The following GSG1L variants were observed in gnomAD, a reference collection of about 807,000 sequenced individuals.
GSG1L encodes the protein GSG1 like.
In GSG1L, 24 loss-of-function variants were observed where a neutral mutation model predicts 42.1. The observed-to-expected ratio is 0.57, with a 90% CI of 0.41 to 0.80. The LOEUF (loss-of-function observed/expected upper bound fraction) is 0.80, where lower values mean the gene tolerates loss of function less well. Among genes scored for constraint, GSG1L ranks in the 30% least tolerant of loss-of-function variants. GSG1L has a pLI of 0.00. For missense variants in GSG1L, 445 were observed against 472.2 expected (o/e 0.94, Z 0.53); for synonymous variants, 215 against 203.5 (o/e 1.06, Z -0.48).
chr16:28,057,011 C>T (rs1472415829), intron 1 of GSG1L, among the ~76,000 whole-genome samples: 1 of 151,952 alleles, frequency 6.6e-6, no homozygotes, highest in East Asian at 1.9e-4. Context: ...CAAGGAACAG[C>T]AAGTACAAAA....
At chr16:27,825,873 C>G (rs2083202827) in intron 5 of GSG1L, among the ~76,000 whole-genome samples, 1 of 152,176 alleles carries the variant, frequency 6.6e-6, no homozygotes, top group African/African-American at 2.4e-5. Flanking sequence ...GACGTGTTTG[C>G]TTCCCCTTCT....
intron 1 of GSG1L, among the ~76,000 whole-genome samples, chr16:28,026,219 G>A (rs1216783967): frequency 6.6e-6 from 1 of 152,184 alleles, no homozygotes; most frequent in Non-Finnish European, 1.5e-5. Context: ...GCAAGATCTT[G>A]CAGGTCCAGC....
chr16:27,965,076 T>C (rs2085115085), intron 1 of GSG1L, among the ~76,000 whole-genome samples: 1 of 152,178 alleles, frequency 6.6e-6, no homozygotes, highest in South Asian at 2.1e-4. Flanking sequence ...TGGAGTACAG[T>C]GGTGCAATCT....
At chr16:27,937,546 C>T (rs1431111097) in intron 2 of GSG1L, among the ~76,000 whole-genome samples, 5 of 152,200 alleles carry the variant, frequency 3.3e-5, no homozygotes, top group Non-Finnish European at 7.3e-5. Context: ...CTGGCCCCTT[C>T]TGCCCTCTCG....
intron 3 of GSG1L, among the ~76,000 whole-genome samples, chr16:27,882,679 C>G (rs1470446820): frequency 6.6e-6 from 1 of 152,218 alleles, no homozygotes; most frequent in Non-Finnish European, 1.5e-5. Context: ...ATGTTGCCTT[C>G]CCCATGCCCA....
chr16:27,829,121 G>A (rs969774055), intron 4 of GSG1L, among the ~76,000 whole-genome samples, 165 bp from the exon 5 acceptor site: 1 of 152,188 alleles, frequency 6.6e-6, no homozygotes, highest in Admixed American at 6.5e-5. Context: ...TGCCCCACTC[G>A]CAGTCTGGGA....
At chr16:28,025,897 G>A (rs558659468) in intron 1 of GSG1L, among the ~76,000 whole-genome samples, 19 of 152,330 alleles carry the variant, frequency 1.2e-4, no homozygotes, top group African/African-American at 4.6e-4. Context: ...GCCACAGCAG[G>A]CACAGGCTAG....
intron 1 of GSG1L, among the ~76,000 whole-genome samples, chr16:27,979,929 G>A (rs1358600117): frequency 6.6e-6 from 1 of 152,122 alleles, no homozygotes; most frequent in African/African-American, 2.4e-5. Context: ...ATGGGAGAAA[G>A]TGTGTGAAAA....
intron 6 of GSG1L, among the ~76,000 whole-genome samples, chr16:27,803,790 TATATAGATAGATAG>T (rs1214363516): frequency 3.0e-4 from 33 of 109,942 alleles, no homozygotes; most frequent in African/African-American, 1.0e-3. Context: ...TATATATATA[TATATAGATAGATAG>T]ATATAGATAT....
At chr16:27,922,697 C>T (rs912768791) in intron 2 of GSG1L, among the ~76,000 whole-genome samples, 3 of 152,240 alleles carry the variant, frequency 2.0e-5, no homozygotes, top group African/African-American at 7.2e-5. Flanking sequence ...CAATCCTACA[C>T]AGCAGCCTTC....
At chr16:27,908,242 G>A (rs1216127023) in intron 2 of GSG1L, among the ~76,000 whole-genome samples, 1 of 152,256 alleles carries the variant, frequency 6.6e-6, no homozygotes, top group African/African-American at 2.4e-5. Flanking sequence ...GCTGGCCTAG[G>A]TCAGCCAAAC....
intron 1 of GSG1L, among the ~76,000 whole-genome samples, chr16:28,047,544 T>G (rs1327974499): frequency 6.6e-6 from 1 of 152,188 alleles, no homozygotes; most frequent in Non-Finnish European, 1.5e-5. Context: ...GCTAACTCTA[T>G]GTTCTTACCA....
At chr16:28,048,187 C>G (rs917435321) in intron 1 of GSG1L, among the ~76,000 whole-genome samples, 1 of 152,018 alleles carries the variant, frequency 6.6e-6, no homozygotes, top group Non-Finnish European at 1.5e-5. Flanking sequence ...ATGATGTTGT[C>G]ACTGCACTCC....
intron 1 of GSG1L, among the ~76,000 whole-genome samples, chr16:28,056,854 A>G (rs2086284815): frequency 1.3e-5 from 2 of 152,086 alleles, no homozygotes; most frequent in Non-Finnish European, 2.9e-5. Flanking sequence ...CCTCGATCAG[A>G]GCAGTGGGGA....
chr16:28,062,619 C>T (rs533301788), intron 1 of GSG1L, among the ~76,000 whole-genome samples: 1 of 152,260 alleles, frequency 6.6e-6, no homozygotes, highest in South Asian at 2.1e-4. Context: ...GCAGGAGGGG[C>T]GGCTGGTAGC....
intron 1 of GSG1L, among the ~76,000 whole-genome samples, chr16:27,972,368 A>G (rs1399536571): frequency 6.6e-6 from 1 of 152,224 alleles, no homozygotes; most frequent in Admixed American, 6.5e-5. Flanking sequence ...CAAACACAGA[A>G]GAGATGTTTT....
chr16:27,835,581 TTTTC>T (rs2083313921), intron 4 of GSG1L, among the ~76,000 whole-genome samples: 1 of 151,020 alleles, frequency 6.6e-6, no homozygotes, highest in South Asian at 2.1e-4. Context: ...TTTGTTTCTC[TTTTC>T]TTTTTTCTTG....
At chr16:27,982,025 C>G (rs1288310937) in intron 1 of GSG1L, among the ~76,000 whole-genome samples, 2 of 152,132 alleles carry the variant, frequency 1.3e-5, no homozygotes, top group African/African-American at 4.8e-5. Context: ...AAACAGCTAG[C>G]TATCTACCAA....
At chr16:27,846,923 C>T (rs138429207) in intron 3 of GSG1L, among the ~76,000 whole-genome samples, 1,692 of 150,712 alleles carry the variant, frequency 0.011, 7 homozygotes, top group Middle Eastern at 0.024. Flanking sequence ...TGCCACTGCA[C>T]CCCAGCCTGG....
Sources: gnomAD v4.1 joint callset for allele counts (sites outside exome capture counted in the v4.1 genomes callset) on GRCh38, gnomAD v4.1.1 for gene constraint, MANE v1.5 for transcripts, NCBI Gene and HGNC (gene_info 2026-07-23, HGNC 2026-07-21) for gene names.